HYDIN: variants seen among roughly 807,000 people sequenced by gnomAD.
HYDIN encodes the protein HYDIN axonemal central pair apparatus protein, also known as axonemal central pair apparatus protein HYDIN.
In HYDIN, 132 loss-of-function variants were observed where a neutral mutation model predicts 403.9. That is an observed-to-expected ratio of 0.33 (90% confidence interval 0.28 to 0.38). HYDIN has a LOEUF of 0.38. Among genes scored for constraint, HYDIN ranks in the 10% least tolerant of loss-of-function variants. The pLI is 1.00. For synonymous variants in HYDIN, 1,202 were observed against 1,891.7 expected, an observed-to-expected ratio of 0.64 and a Z score of 9.46; for missense variants, 2,827 against 5,009.5, an observed-to-expected ratio of 0.56 and a Z score of 13.15.
At chr16:71,116,640 C>G (rs1473472243) in intron 9 of HYDIN, among the ~76,000 whole-genome samples, 1 of 152,040 alleles carries the variant, frequency 6.6e-6, no homozygotes, top group East Asian at 1.9e-4. Context: ...AATCTACAGT[C>G]CCACCAACAG....
At chr16:71,182,292 T>G (rs1376175658) in intron 3 of HYDIN, among the ~76,000 whole-genome samples, 1 of 152,158 alleles carries the variant, frequency 6.6e-6, no homozygotes, top group East Asian at 1.9e-4. Flanking sequence ...TAACATGTTC[T>G]GATTTACATT....
At chr16:70,998,472 CA>C (rs2079599588) in intron 23 of HYDIN, among the ~76,000 whole-genome samples, 1 of 147,142 alleles carries the variant, frequency 6.8e-6, no homozygotes, top group Admixed American at 6.9e-5. Context: ...TTTTCTCCTG[CA>C]GTTCCAATCT....
intron 18 of HYDIN, among the ~76,000 whole-genome samples, chr16:71,054,376 C>T (rs2081791289): frequency 6.6e-6 from 1 of 152,254 alleles, no homozygotes; most frequent in Non-Finnish European, 1.5e-5. Context: ...GAGAAACAGC[C>T]CATTCTATCT....
rs373810155 is a variant in HYDIN, at chr16:70,809,784, C to T, written c.14882G>A (p.Arg4961Lys). 54 of 1,612,608 alleles carry T rather than the reference C, an allele frequency of 3.3e-5. No homozygotes were observed. In the Middle Eastern group the frequency reaches 8.3e-4, roughly 25 times the overall value. ...GAAGGTAGAGCAGGGGCCACTCACC[C>T]TGCAGTAGTATTCTGTCCTCTGCCG... ...YTRQRTEYYCRTDCTDFHAEK... is the reference protein window; with the variant it reads ...YTRQRTEYYCKTDCTDFHAEK... The change falls in exon 85 of 86, where the codon AGG (arginine) becomes AAG (lysine). Residue 4961 changes from arginine to lysine, a missense_variant and splice_region_variant. Transcript: ENST00000393567.
intron 39 of HYDIN, among the ~76,000 whole-genome samples, chr16:70,956,070 T>A (rs2078226125): frequency 6.6e-6 from 1 of 152,180 alleles, no homozygotes; most frequent in Non-Finnish European, 1.5e-5. Flanking sequence ...TCCACCTGCC[T>A]TGGCCTCCCA....
In HYDIN at chr16:71,186,842, G is replaced by T. The variant is rs757304554; in HGVS notation, c.54C>A (p.Val18=). The change falls in exon 2 of 86, where the codon GTC becomes GTA. Residue 18 remains valine (V), a synonymous_variant. Coordinates refer to ENST00000393567, the MANE Select transcript of HYDIN (RefSeq NM_001270974.2). The part of the protein sequence containing the change: ...ESMGAVQMGL[V]NMFKGFQSKV... ...TGCTTTGAAATCCTTTGAACATATT[G>T]ACCAATCCCATCTGAACAGCCCCCA... 1 of 1,612,904 alleles carries T rather than the reference G, an allele frequency of 6.2e-7. No individual in the cohort carries two copies. Among genetic ancestry groups the T allele is most frequent in the Admixed American group, 1.7e-5 (1 of 59,976 alleles).
intron 5 of HYDIN, among the ~76,000 whole-genome samples, chr16:71,165,649 G>A (rs1038084043): frequency 7.2e-5 from 11 of 152,016 alleles, no homozygotes; most frequent in African/African-American, 2.4e-4. Context: ...AAGGAAAGTC[G>A]GTAACAGAAC....
intron 46 of HYDIN, among the ~76,000 whole-genome samples, chr16:70,919,503 G>T (rs1037630973): frequency 6.6e-6 from 1 of 152,114 alleles, no homozygotes; most frequent in South Asian, 2.1e-4. Context: ...CACATGGATT[G>T]CAGGGATGAC....
rs1198035618 is a variant in HYDIN, at chr16:71,230,627, C to G, written c.-89G>C. 5 of 1,536,100 alleles carry G rather than the reference C, an allele frequency of 3.3e-6. No homozygotes were observed. The highest frequency in any genetic ancestry group is 1.7e-4 in the Middle Eastern group (1 of 5,990). ...CCCCGCCAAGACCCCGCGTCCAACT[C>G]ACAGACCCCGCCGCCGCTGAGGGGC... On this transcript the variant is annotated 5_prime_UTR_variant, in exon 1 of 86. Transcript: ENST00000393567.
At chr16:70,967,487 A>T (rs1170652446) in intron 36 of HYDIN, among the ~76,000 whole-genome samples, 14 of 130,684 alleles carry the variant, frequency 1.1e-4, no homozygotes, top group African/African-American at 2.4e-4. Flanking sequence ...ATTATTTTGT[A>T]TTTTTTTTTT....
chr16:71,009,704 T>C (rs1373185000), intron 23 of HYDIN, among the ~76,000 whole-genome samples: 1 of 143,464 alleles, frequency 7.0e-6, no homozygotes, highest in East Asian at 2.1e-4. Context: ...CAGGTGCCCT[T>C]ATATGAGGGA....
intron 9 of HYDIN, among the ~76,000 whole-genome samples, chr16:71,124,239 G>C (rs2144496949): frequency 6.6e-6 from 1 of 152,304 alleles, no homozygotes; most frequent in East Asian, 1.9e-4. Flanking sequence ...AGCATGATGA[G>C]AAGGTGACGG....
intron 10 of HYDIN, among the ~76,000 whole-genome samples, chr16:71,099,178 A>G (rs111623762): frequency 0.028 from 4,170 of 146,446 alleles, no homozygotes; most frequent in East Asian, 0.12. Flanking sequence ...AACAGATCCC[A>G]TTGCATTATG....
rs2041656504 is a variant in HYDIN at position 70,894,237 on chromosome 16, T to C, written c.9248+212A>G. The C allele has an allele frequency of 1.8e-5, 11 of 626,560 alleles. No individual in the cohort carries two copies. In the South Asian group the frequency reaches 1.9e-4, roughly 11 times the overall value. 38.8% of individuals were successfully genotyped at this position (626,560 alleles called of 1,614,324 possible). A position where few individuals can be genotyped will look rare whatever the true frequency, so the allele number is the denominator to read the frequency against. On this transcript the variant is annotated intron_variant, in intron 55 of 85. Coordinates refer to ENST00000393567, the MANE Select transcript of HYDIN (RefSeq NM_001270974.2). Reference sequence around the variant, plus strand: ...TGCTCCCTTAGCAGGTGGAATTCCATTCTTTTGAAGCCAAGGGAGGCAAAA... The same window carrying C: ...TGCTCCCTTAGCAGGTGGAATTCCACTCTTTTGAAGCCAAGGGAGGCAAAA...
chr16:71,213,111 T>A (rs1041683538), intron 1 of HYDIN, among the ~76,000 whole-genome samples: 1 of 152,014 alleles, frequency 6.6e-6, no homozygotes, highest in South Asian at 2.1e-4. Context: ...TAAGGGCAAA[T>A]AAAAGACAAT....
At chr16:71,178,890 T>C in intron 4 of HYDIN, 38 bp downstream of exon 4, 1 of 1,582,258 alleles carries the variant, frequency 6.3e-7, no homozygotes, top group Non-Finnish European at 8.6e-7. Context: ...TTCTCATATA[T>C]CCTGGAACAG....
chr16:71,134,117 A>T (rs893299531), intron 8 of HYDIN, among the ~76,000 whole-genome samples: 1 of 152,030 alleles, frequency 6.6e-6, no homozygotes, highest in African/African-American at 2.4e-5. Flanking sequence ...CCTCCACTGC[A>T]AGAAGAGATA....
chr16:71,051,665 A>AAAC (rs1749049850), intron 18 of HYDIN, among the ~76,000 whole-genome samples: 1 of 111,024 alleles, frequency 9.0e-6, no homozygotes, highest in African/African-American at 3.2e-5. Flanking sequence ...AAAAACAAAA[A>AAAC]AAACAAAAAA....
chr16:70,855,946 T>C (rs1395152324), intron 72 of HYDIN, among the ~76,000 whole-genome samples: 4 of 152,190 alleles, frequency 2.6e-5, no homozygotes, highest in African/African-American at 9.7e-5. Context: ...ATGCATCCTG[T>C]ATTTTATCTG....
Sources: allele counts gnomAD v4.1 joint callset (sites outside exome capture counted in the v4.1 genomes callset), GRCh38; gene constraint gnomAD v4.1.1; transcripts MANE v1.5; gene names NCBI Gene and HGNC (gene_info 2026-07-23, HGNC 2026-07-21).